CELF5: variants seen among roughly 807,000 people sequenced by gnomAD.
The protein encoded by CELF5 is CUG-BP and ETR-3 like factor 5.
A neutral mutation model predicts 54.9 loss-of-function variants in CELF5; 6 were observed. The observed-to-expected ratio is 0.11, with a 90% CI of 0.06 to 0.22. CELF5 has a LOEUF of 0.22. Ranked by LOEUF, CELF5 falls within the 10% of genes least tolerant of loss-of-function variation. The pLI, the probability that CELF5 is intolerant of heterozygous loss-of-function variation, is 1.00. For missense variants in CELF5, 401 were observed against 678.6 expected, an observed-to-expected ratio of 0.59 and a Z score of 4.54; for synonymous variants, 271 against 290.9, an observed-to-expected ratio of 0.93 and a Z score of 0.70.
At chr19:3,248,802 C>T (rs2079601699) in intron 1 of CELF5, among the ~76,000 whole-genome samples, 2 of 152,112 alleles carry the variant, frequency 1.3e-5, no homozygotes, top group African/African-American at 4.8e-5. Context: ...AAACTGTTTT[C>T]TGCAGCAGCC....
intron 1 of CELF5, among the ~76,000 whole-genome samples, chr19:3,244,518 G>A (rs530491826): frequency 2.7e-5 from 4 of 148,894 alleles, no homozygotes; most frequent in African/African-American, 5.0e-5. Context: ...GTGTGCATGC[G>A]TCTTGTCTGC....
chr19:3,269,911 T>C (rs1012694504), intron 2 of CELF5, among the ~76,000 whole-genome samples: 8 of 152,326 alleles, frequency 5.3e-5, no homozygotes, highest in African/African-American at 1.4e-4. Context: ...CTTTCTGGTC[T>C]TGGTTTGCCC....
intron 1 of CELF5, 103 bp from the exon 2 acceptor site, chr19:3,250,882 T>TCAA: frequency 1.6e-6 from 1 of 614,994 alleles, no homozygotes; most frequent in Non-Finnish European, 2.9e-6. Context: ...CATCTGTGGA[T>TCAA]GGAAGCTTGG....
At chr19:3,286,317 G>A (rs1311059514) in intron 10 of CELF5, 13 of 412,424 alleles carry the variant, frequency 3.2e-5, no homozygotes, top group Non-Finnish European at 5.1e-5. Flanking sequence ...TTTTGGAAAG[G>A]AAACCCTTTT....
In CELF5 at chr19:3,275,830, G is replaced by A; in HGVS notation, c.395-26G>A. 5 of 1,595,594 alleles carry A rather than the reference G, an allele frequency of 3.1e-6. No homozygotes were observed. The highest frequency in any genetic ancestry group is 4.3e-6 in the Non-Finnish European group (5 of 1,167,046). ...GGCCCTCCCGGAGGCCGGGGACTCG[G>A]CTGAGGTGGGTGTCGCCGCCCACAG... On this transcript the variant is annotated intron_variant, in intron 3 of 12. Transcript: ENST00000292672. The surrounding 1 kb of genome is among the most constrained non-coding windows in gnomAD (Gnocchi z 6.7).
chr19:3,256,755 A>C (rs565576554), intron 2 of CELF5, among the ~76,000 whole-genome samples: 152 of 151,942 alleles, frequency 1.0e-3, no homozygotes, highest in Non-Finnish European at 1.8e-3. Flanking sequence ...TTTAGTAGAG[A>C]TGGGGTTTCA....
chr19:3,240,663 C>T (rs1443915445), intron 1 of CELF5, among the ~76,000 whole-genome samples: 2 of 151,812 alleles, frequency 1.3e-5, no homozygotes, highest in African/African-American at 4.8e-5. Flanking sequence ...GTTCCACACA[C>T]CAGGCAGGCT....
intron 2 of CELF5, among the ~76,000 whole-genome samples, chr19:3,257,793 A>T (rs1162803581): frequency 7.3e-5 from 6 of 82,434 alleles, no homozygotes; most frequent in Admixed American, 2.2e-4. Flanking sequence ...TTTTTTATTT[A>T]TTTATTTATT....
rs1057118923 is a variant in CELF5 at position 3,278,844 on chromosome 19, C to T, written c.603+734C>T. ...ATGTAAGGGTATCCTAAGGGGATGACACCTGGGTTGGATTTGCTGAGGCCA... is the reference window on the plus strand; with the variant it reads ...ATGTAAGGGTATCCTAAGGGGATGATACCTGGGTTGGATTTGCTGAGGCCA... On this transcript the variant is annotated intron_variant, in intron 5 of 12. Coordinates refer to ENST00000292672, the MANE Select transcript of CELF5 (RefSeq NM_021938.4). The surrounding 1 kb of genome is among the most constrained non-coding windows in gnomAD (Gnocchi z 4.5). Among the ~76,000 whole-genome samples the T allele has an allele frequency of 2.0e-5, 3 of 151,624 alleles. No homozygotes were observed. In the South Asian group the frequency reaches 6.2e-4, roughly 31 times the overall value.
intron 3 of CELF5, 77 bp downstream of exon 3, chr19:3,274,000 T>C: frequency 1.4e-6 from 2 of 1,464,950 alleles, no homozygotes; most frequent in Non-Finnish European, 1.9e-6. Context: ...TTCCTTCCTC[T>C]CTCCTGCAAA....
At chr19:3,289,518 C>A (rs1599487185) in intron 10 of CELF5, among the ~76,000 whole-genome samples, 1 of 151,852 alleles carries the variant, frequency 6.6e-6, no homozygotes, top group Non-Finnish European at 1.5e-5. Context: ...CCCATCTGTA[C>A]TAAAAATACA....
At chr19:3,269,976 C>T (rs776036631) in intron 2 of CELF5, among the ~76,000 whole-genome samples, 1 of 152,174 alleles carries the variant, frequency 6.6e-6, no homozygotes, top group Admixed American at 6.5e-5. Context: ...TAAGACTAAA[C>T]GGGTCAGCAG....
At chr19:3,245,942 G>T (rs2079560098) in intron 1 of CELF5, among the ~76,000 whole-genome samples, 3 of 152,330 alleles carry the variant, frequency 2.0e-5, no homozygotes, top group Middle Eastern at 3.4e-3. Flanking sequence ...TAGTGAAGAT[G>T]AAGCACTAAT....
At chr19:3,269,635 A>G (rs1208356086) in intron 2 of CELF5, among the ~76,000 whole-genome samples, 5 of 152,170 alleles carry the variant, frequency 3.3e-5, no homozygotes, top group Middle Eastern at 3.2e-3. Flanking sequence ...TACACAGGTC[A>G]GACAGAAAGG....
intron 1 of CELF5, among the ~76,000 whole-genome samples, chr19:3,250,293 C>G (rs1386689168): frequency 6.6e-6 from 1 of 152,096 alleles, no homozygotes; most frequent in African/African-American, 2.4e-5. Context: ...TCGAGACCAT[C>G]CTGGCTAACA....
intron 1 of CELF5, among the ~76,000 whole-genome samples, chr19:3,236,105 G>T (rs1369259696): frequency 6.6e-6 from 1 of 152,166 alleles, no homozygotes; most frequent in Non-Finnish European, 1.5e-5. Flanking sequence ...CTCATTTGGA[G>T]GCAGCATGGT....
intron 1 of CELF5, 73 bp downstream of exon 1, chr19:3,225,071 C>G: frequency 5.7e-6 from 6 of 1,052,202 alleles, no homozygotes; most frequent in Non-Finnish European, 8.1e-6. Context: ...TCTTCTCTCC[C>G]CCATCACCAT....
intron 2 of CELF5, among the ~76,000 whole-genome samples, chr19:3,254,878 C>A (rs1171182512): frequency 6.6e-6 from 1 of 152,054 alleles, no homozygotes; most frequent in Non-Finnish European, 1.5e-5. Flanking sequence ...TCTATCCATT[C>A]ATCTGTCCAT....
chr19:3,282,671 G>C lies in CELF5; in HGVS notation c.1039+173G>C, dbSNP rs1394041185. ...GACACAGGAAGGGAGGCCGTGGCAG[G>C]GTAATAACACATTAAAACGGTGCAT... On this transcript the variant is annotated intron_variant, in intron 8 of 12. Transcript: ENST00000292672. The surrounding 1 kb of genome is among the most constrained non-coding windows in gnomAD (Gnocchi z 5.2). Among the ~76,000 whole-genome samples, 1 of 152,182 alleles carries C rather than the reference G, an allele frequency of 6.6e-6. No individual in the cohort carries two copies. The highest frequency in any genetic ancestry group is 1.9e-4 in the East Asian group (1 of 5,204).
Sources: gnomAD v4.1 joint callset for allele counts (sites outside exome capture counted in the v4.1 genomes callset) on GRCh38, gnomAD v4.1.1 for gene constraint, Gnocchi (gnomAD v3.1) non-coding constraint, MANE v1.5 for transcripts, NCBI Gene and HGNC (gene_info 2026-07-23, HGNC 2026-07-21) for gene names.